Variants in NDC1 observed in about 807,000 individuals in gnomAD.
NDC1 encodes nucleoporin NDC1.
In NDC1, 24 loss-of-function variants were observed where a neutral mutation model predicts 89.8. The observed-to-expected ratio is 0.27, with a 90% CI of 0.19 to 0.38. The LOEUF (loss-of-function observed/expected upper bound fraction) is 0.38. Ranked by LOEUF, NDC1 falls within the 10% of genes least tolerant of loss-of-function variation. The pLI, the probability that NDC1 is intolerant of heterozygous loss-of-function variation, is 1.00. For synonymous variants in NDC1, 296 were observed against 284.8 expected, an observed-to-expected ratio of 1.04 and a Z score of -0.39; for missense variants, 728 against 797.6, an observed-to-expected ratio of 0.91 and a Z score of 1.05.
intron 16 of NDC1, among the ~76,000 whole-genome samples, chr1:53,781,697 G>A (rs955213267): frequency 5.3e-5 from 8 of 151,832 alleles, no homozygotes; most frequent in African/African-American, 1.9e-4. Flanking sequence ...AAATTACAGA[G>A]ATACTTAAAC....
At chr1:53,791,336 G>A (rs1183125035) in intron 14 of NDC1, among the ~76,000 whole-genome samples, 5 of 151,744 alleles carry the variant, frequency 3.3e-5, no homozygotes, top group East Asian at 1.9e-4. Context: ...GGAGAATGGC[G>A]TGAACTTGGG....
intron 5 of NDC1, among the ~76,000 whole-genome samples, chr1:53,820,138 G>A (rs7555869): frequency 0.029 from 4,394 of 151,656 alleles, 98 homozygotes; most frequent in Middle Eastern, 0.044. Context: ...GCCTGTAATC[G>A]CAGCTACTCG....
At chr1:53,773,890 C>A (rs1199735700) in intron 16 of NDC1, among the ~76,000 whole-genome samples, 1 of 152,150 alleles carries the variant, frequency 6.6e-6, no homozygotes, top group Non-Finnish European at 1.5e-5. Context: ...GGAGCAATTA[C>A]CCCACATCAT....
At chr1:53,809,801 G>T in intron 6 of NDC1, 55 bp from the exon 7 acceptor site, 1 of 1,410,112 alleles carries the variant, frequency 7.1e-7, no homozygotes, top group Non-Finnish European at 1.0e-6. Flanking sequence ...ACAAGTTTTA[G>T]TCAAGCTTTA....
At chr1:53,817,950 A>G (rs149584815) in intron 6 of NDC1, among the ~76,000 whole-genome samples, 400 of 152,314 alleles carry the variant, frequency 2.6e-3, no homozygotes, top group Non-Finnish European at 4.3e-3. Context: ...TGTGCTTAAT[A>G]TTCATGTTAA....
intron 14 of NDC1, among the ~76,000 whole-genome samples, chr1:53,791,246 C>T (rs1647489855): frequency 6.6e-6 from 1 of 151,982 alleles, no homozygotes; most frequent in South Asian, 2.1e-4. Flanking sequence ...GCTAAAACTC[C>T]GTCTCTACTA....
At chr1:53,812,670 T>C (rs1648350275) in intron 6 of NDC1, among the ~76,000 whole-genome samples, 1 of 152,168 alleles carries the variant, frequency 6.6e-6, no homozygotes, top group Non-Finnish European at 1.5e-5. Flanking sequence ...TCTAAATGCT[T>C]GGAAAACATA....
intron 9 of NDC1, 88 bp from the exon 10 acceptor site, chr1:53,804,097 G>T: frequency 1.1e-6 from 1 of 898,380 alleles, no homozygotes; most frequent in Non-Finnish European, 1.8e-6. Context: ...ATATATCCAA[G>T]AGGAAATTAA....
chr1:53,776,073 G>C (rs115185037), intron 16 of NDC1, among the ~76,000 whole-genome samples: 2,253 of 151,172 alleles, frequency 0.015, 48 homozygotes, highest in African/African-American at 0.053. Flanking sequence ...TCCCACCTCA[G>C]CCTCCCTCGT....
At chr1:53,781,030 A>AT (rs1405041896) in intron 16 of NDC1, among the ~76,000 whole-genome samples, 2 of 151,618 alleles carry the variant, frequency 1.3e-5, no homozygotes, top group African/African-American at 2.4e-5. Context: ...ATTTTTAAAA[A>AT]TTTTTTTTAT....
intron 13 of NDC1, among the ~76,000 whole-genome samples, chr1:53,796,147 ACTCT>A (rs1398650354): frequency 3.9e-5 from 6 of 152,090 alleles, no homozygotes; most frequent in African/African-American, 1.4e-4. Flanking sequence ...TCCCTTAGGA[ACTCT>A]CTGTCTTCCT....
intron 7 of NDC1, among the ~76,000 whole-genome samples, chr1:53,808,044 C>A (rs766997467): frequency 6.6e-6 from 1 of 152,162 alleles, no homozygotes. Context: ...ACTTTTACTA[C>A]GAAGGAGGAA....
At chr1:53,770,448 A>G (rs371881041) in intron 17 of NDC1, among the ~76,000 whole-genome samples, 10 of 152,022 alleles carry the variant, frequency 6.6e-5, no homozygotes, top group South Asian at 2.1e-4. Context: ...CTGGGATTAT[A>G]GTTGCCTGCC....
At chr1:53,782,770 A>T (rs1647224106) in intron 16 of NDC1, among the ~76,000 whole-genome samples, 1 of 152,220 alleles carries the variant, frequency 6.6e-6, no homozygotes, top group African/African-American at 2.4e-5. Flanking sequence ...AGTTCCTGTG[A>T]CTTTGTCACC....
chr1:53,811,439 G>A (rs1448537516), intron 6 of NDC1, among the ~76,000 whole-genome samples: 1 of 152,092 alleles, frequency 6.6e-6, no homozygotes, highest in Non-Finnish European at 1.5e-5. Flanking sequence ...AGGGCGGTGG[G>A]AGTGAGACTG....
chr1:53,772,213 A>C (rs1481360216), intron 17 of NDC1, 116 bp downstream of exon 17: 1 of 882,298 alleles, frequency 1.1e-6, no homozygotes, highest in African/African-American at 1.7e-5. Context: ...TACAGTGAGA[A>C]TCATCAAGGT....
intron 9 of NDC1, among the ~76,000 whole-genome samples, chr1:53,804,559 C>T (rs916389269): frequency 6.6e-6 from 1 of 152,144 alleles, no homozygotes; most frequent in African/African-American, 2.4e-5. Context: ...TCACTGCTAC[C>T]TCCGCCTTAC....
intron 17 of NDC1, among the ~76,000 whole-genome samples, chr1:53,771,631 T>C (rs1198864060): frequency 6.6e-6 from 1 of 152,252 alleles, no homozygotes; most frequent in East Asian, 1.9e-4. Flanking sequence ...TATTTAACTT[T>C]AATTTAAATT....
chr1:53,790,592 A>G (rs1432182704), intron 14 of NDC1, among the ~76,000 whole-genome samples: 6 of 151,256 alleles, frequency 4.0e-5, no homozygotes, highest in Non-Finnish European at 8.8e-5. Flanking sequence ...CTGTAGTCCC[A>G]GCTACTTGGG....
Sources: allele counts gnomAD v4.1 joint callset (sites outside exome capture counted in the v4.1 genomes callset), GRCh38; gene constraint gnomAD v4.1.1; transcripts MANE v1.5; gene names NCBI Gene and HGNC (gene_info 2026-07-23, HGNC 2026-07-21).